UBASH3B: variants seen among roughly 807,000 people sequenced by gnomAD.
The protein encoded by UBASH3B is ubiquitin associated and SH3 domain containing B.
Under a neutral mutation model 83.4 loss-of-function variants are expected in UBASH3B, and 37 were observed. That is an observed-to-expected ratio of 0.44 (90% CI 0.34 to 0.58). UBASH3B has a LOEUF of 0.58. Among genes scored for constraint, UBASH3B ranks in the 20% least tolerant of loss-of-function variants. UBASH3B has a pLI of 0.01. For synonymous variants in UBASH3B, 304 were observed against 318.3 expected (o/e 0.96, Z 0.48); for missense variants, 657 against 827.2 (o/e 0.79, Z 2.52).
intron 1 of UBASH3B, among the ~76,000 whole-genome samples, chr11:122,686,682 C>A (rs1863812156): frequency 6.6e-6 from 1 of 151,908 alleles, no homozygotes; most frequent in African/African-American, 2.4e-5. Flanking sequence ...GAATGAAGGC[C>A]CTGTCTCTTC....
At chr11:122,718,434 T>C (rs966184175) in intron 1 of UBASH3B, among the ~76,000 whole-genome samples, 6 of 152,150 alleles carry the variant, frequency 3.9e-5, no homozygotes, top group African/African-American at 1.4e-4. Context: ...ATGTGGAGTC[T>C]CAGACTCCAG....
At chr11:122,798,862 C>A in intron 9 of UBASH3B, 80 bp from the exon 10 acceptor site, 1 of 1,121,842 alleles carries the variant, frequency 8.9e-7, no homozygotes, top group Non-Finnish European at 1.3e-6. Context: ...GAGCTTACTG[C>A]TTGGCCCCCT....
intron 1 of UBASH3B, among the ~76,000 whole-genome samples, chr11:122,683,710 C>T (rs376884044): frequency 6.6e-5 from 10 of 150,480 alleles, no homozygotes; most frequent in African/African-American, 2.4e-4. Flanking sequence ...TCAGTGATCA[C>T]ATATCCTCAA....
chr11:122,722,744 C>A (rs1452415234), intron 1 of UBASH3B, among the ~76,000 whole-genome samples: 2 of 149,474 alleles, frequency 1.3e-5, no homozygotes, highest in African/African-American at 2.5e-5. Flanking sequence ...CTCGCTCTGT[C>A]CCCCCGGCTG....
At chr11:122,693,389 A>G (rs1013328061) in intron 1 of UBASH3B, among the ~76,000 whole-genome samples, 12 of 152,206 alleles carry the variant, frequency 7.9e-5, no homozygotes, top group African/African-American at 2.7e-4. Flanking sequence ...AAGAACGTCT[A>G]TTCTCCACCC....
At chr11:122,680,619 A>G (rs893479844) in intron 1 of UBASH3B, among the ~76,000 whole-genome samples, 3 of 152,116 alleles carry the variant, frequency 2.0e-5, no homozygotes, top group Non-Finnish European at 4.4e-5. Context: ...ATGTGCCACC[A>G]TGCCTGGCTA....
chr11:122,670,683 T>C (rs1310402591), intron 1 of UBASH3B, among the ~76,000 whole-genome samples: 3 of 152,086 alleles, frequency 2.0e-5, no homozygotes, highest in Non-Finnish European at 4.4e-5. Context: ...CTATTCTAAG[T>C]CTTCTGGTAA....
intron 3 of UBASH3B, 41 bp from the exon 4 acceptor site, chr11:122,779,456 C>T: frequency 6.2e-7 from 1 of 1,608,398 alleles, no homozygotes; most frequent in Non-Finnish European, 8.5e-7. Flanking sequence ...ACTTCCATCT[C>T]CCCTTGTCTC....
chr11:122,807,646 G>C (rs1158876979), intron 12 of UBASH3B, among the ~76,000 whole-genome samples: 1 of 152,086 alleles, frequency 6.6e-6, no homozygotes, highest in Non-Finnish European at 1.5e-5. Flanking sequence ...AATCTCCTGG[G>C]CTCAAGTGAT....
At chr11:122,696,706 C>T (rs933404497) in intron 1 of UBASH3B, among the ~76,000 whole-genome samples, 15 of 152,144 alleles carry the variant, frequency 9.9e-5, no homozygotes, top group Admixed American at 8.5e-4. Context: ...TTTCCTGGGC[C>T]GTGTTTAGTA....
intron 1 of UBASH3B, among the ~76,000 whole-genome samples, chr11:122,663,932 C>CA (rs1565521165): frequency 1.3e-5 from 2 of 152,212 alleles, no homozygotes; most frequent in African/African-American, 4.8e-5. Context: ...ACCACGCAAA[C>CA]AGCTGGAGAG....
chr11:122,784,007 C>A (rs939438735), intron 5 of UBASH3B, among the ~76,000 whole-genome samples: 6 of 150,302 alleles, frequency 4.0e-5, no homozygotes, highest in African/African-American at 1.2e-4. Flanking sequence ...ATGGCACGAT[C>A]TTGGCTCACT....
intron 1 of UBASH3B, among the ~76,000 whole-genome samples, chr11:122,712,481 C>T (rs1323386891): frequency 6.6e-6 from 1 of 152,094 alleles, no homozygotes; most frequent in East Asian, 1.9e-4. Flanking sequence ...GACCCAGGGG[C>T]TCTCATGCTT....
intron 1 of UBASH3B, among the ~76,000 whole-genome samples, chr11:122,665,422 G>A (rs1185997895): frequency 6.6e-6 from 1 of 151,946 alleles, no homozygotes; most frequent in East Asian, 1.9e-4. Flanking sequence ...CAAACTCCTG[G>A]GCTCAAGTGA....
chr11:122,682,108 C>T (rs1179542685), intron 1 of UBASH3B, among the ~76,000 whole-genome samples: 4 of 152,210 alleles, frequency 2.6e-5, no homozygotes, highest in Admixed American at 6.5e-5. Flanking sequence ...GGGATCACTG[C>T]GAGGATAGCG....
At chr11:122,692,797 C>T (rs939719327) in intron 1 of UBASH3B, among the ~76,000 whole-genome samples, 1 of 152,212 alleles carries the variant, frequency 6.6e-6, no homozygotes, top group Non-Finnish European at 1.5e-5. Context: ...AGACACATTC[C>T]TCCCTTCAAG....
chr11:122,809,988 G>A lies in UBASH3B; in HGVS notation c.*102G>A. The A allele has an allele frequency of 3.6e-6, 5 of 1,373,676 alleles. No individual in the cohort carries two copies. The highest frequency in any genetic ancestry group is 5.0e-6 in the Non-Finnish European group (5 of 1,007,096). The allele number at this position is 1,373,676 out of a possible 1,614,324, so 85.1% of individuals were successfully genotyped here. ...CACCACACTCTAAGTGGACAGCTCA[G>A]AATAATTTAGCATATTTCCTTTCAC... On this transcript the variant is annotated 3_prime_UTR_variant, in exon 14 of 14. Coordinates refer to ENST00000284273, the MANE Select transcript of UBASH3B (RefSeq NM_032873.5).
Position 122,784,570 on chromosome 11 carries a change from T to C in UBASH3B, c.771+1348T>C, listed in dbSNP as rs151323333. Reference sequence around the variant, plus strand: ...AACTACATTTATTAAGCAATACTTATATTTGTTTCCCAATTTTTCAAACAG... The same window carrying C: ...AACTACATTTATTAAGCAATACTTACATTTGTTTCCCAATTTTTCAAACAG... On this transcript the variant is annotated intron_variant, in intron 5 of 13. Transcript: ENST00000284273. Among the ~76,000 whole-genome samples the C allele has an allele frequency of 6.5e-3, 987 of 152,360 alleles. 9 individuals are homozygous for C. Among genetic ancestry groups the C allele is most frequent in the Middle Eastern group, 0.027 (8 of 294 alleles).
At chr11:122,723,000 C>T (rs983882673) in intron 1 of UBASH3B, among the ~76,000 whole-genome samples, 6 of 152,164 alleles carry the variant, frequency 3.9e-5, no homozygotes, top group East Asian at 3.9e-4. Flanking sequence ...CCACCGCGCC[C>T]GGCCCAGACC....
Sources: gnomAD v4.1 joint callset for allele counts (sites outside exome capture counted in the v4.1 genomes callset) on GRCh38, gnomAD v4.1.1 for gene constraint, MANE v1.5 for transcripts, NCBI Gene and HGNC (gene_info 2026-07-23, HGNC 2026-07-21) for gene names.